The following BSPRY variants were observed in gnomAD, a reference collection of about 807,000 sequenced individuals.
BSPRY encodes B-box and SPRY domain containing.
A neutral mutation model predicts 38.0 loss-of-function variants in BSPRY; 33 were observed. The observed-to-expected ratio is 0.87, with a 90% CI of 0.66 to 1.16. The LOEUF is 1.16. Among genes scored for constraint, BSPRY ranks in the 50% most tolerant of loss-of-function variants. The probability of loss-of-function intolerance (pLI) is 0.00; values close to 1 mark genes in which losing one functional copy is unlikely to be tolerated. For synonymous variants in BSPRY, 224 were observed against 228.5 expected, an observed-to-expected ratio of 0.98 and a Z score of 0.18; for missense variants, 523 against 533.2, an observed-to-expected ratio of 0.98 and a Z score of 0.19.
Position 113,370,176 on chromosome 9 carries a change from C to A in BSPRY, c.*34C>A. On this transcript the variant is annotated 3_prime_UTR_variant, in exon 6 of 6. Transcript: ENST00000374183. This position sits in a 1 kb window ranked among gnomAD's most constrained non-coding sequence, Gnocchi z 4.8. ...CACAGGAAGCCAGGTCCACCGCCCA[C>A]CACCCTTTCAGGCCATGTTTCTACT... 1 of 1,521,744 alleles carries A rather than the reference C, an allele frequency of 6.6e-7. No homozygotes were observed. The highest frequency in any genetic ancestry group is 1.3e-5 in the South Asian group (1 of 76,180). The allele number at this position is 1,521,744 out of a possible 1,614,324, so 94.3% of individuals were successfully genotyped here.
intron 4 of BSPRY, among the ~76,000 whole-genome samples, chr9:113,367,646 C>T (rs894774540): frequency 2.0e-5 from 3 of 152,178 alleles, no homozygotes; most frequent in African/African-American, 7.2e-5. Context: ...CATTAACTTA[C>T]TGAGGGACTC....
intron 3 of BSPRY, 84 bp from the exon 4 acceptor site, chr9:113,362,285 C>T: frequency 1.3e-6 from 2 of 1,486,156 alleles, no homozygotes; most frequent in Middle Eastern, 1.7e-4. Context: ...ACATGGAGCC[C>T]TTTCTGGTAG....
chr9:113,368,458 C>T lies in BSPRY; in HGVS notation c.682+75C>T, dbSNP rs1834288170. On this transcript the variant is annotated intron_variant, in intron 5 of 5. Coordinates refer to ENST00000374183, the MANE Select transcript of BSPRY (RefSeq NM_017688.3). Reference sequence around the variant, plus strand: ...GTCTGTCTGGGGTTCACTCCTGGTTCACAATGGGGACCCGTGCTTCTGAGA... The same window carrying T: ...GTCTGTCTGGGGTTCACTCCTGGTTTACAATGGGGACCCGTGCTTCTGAGA... 2.6e-6 allele frequency: 4 copies of T among 1,549,082 alleles called. No individual in the cohort carries two copies. The South Asian group carries it at 4.8e-5, about 18-fold the overall frequency.
chr9:113,369,466 G>C (rs1834303627), intron 5 of BSPRY, 150 bp from the exon 6 acceptor site: 2 of 755,798 alleles, frequency 2.6e-6, no homozygotes, highest in South Asian at 3.6e-5. Flanking sequence ...GTCCTATTTT[G>C]ACCCCCGTTT....
rs191277756 is a variant in BSPRY at position 113,353,530 on chromosome 9, C to T, written c.202-710C>T. Among the ~76,000 whole-genome samples the T allele has an allele frequency of 3.2e-3, 478 of 149,728 alleles. 3 individuals are homozygous for T. The highest frequency in any genetic ancestry group is 0.012 in the African/African-American group (453 of 39,234). On this transcript the variant is annotated intron_variant, in intron 1 of 5. Coordinates refer to ENST00000374183, the MANE Select transcript of BSPRY (RefSeq NM_017688.3). ...CCAGCCTGGCCAACATGGTGAAACC[C>T]TGTCTCTACTAAAAATACAAAAATT...
In BSPRY at chr9:113,360,509, C is replaced by T; in HGVS notation, c.303C>T (p.Ser101=). The T allele has an allele frequency of 6.3e-7, 1 of 1,591,480 alleles. No individual in the cohort carries two copies. Among genetic ancestry groups the T allele is most frequent in the Non-Finnish European group, 8.5e-7 (1 of 1,170,982 alleles). ...CTCCTCATTTTATCCCTCATTAGAG[C>T]ATGGCCAGTGCAGCGAGGGAACTGG... ...VLPGKNQRAV[S]MASAARELVI... The change falls in exon 3 of 6, where the codon AGC becomes AGT. Residue 101 remains serine, a splice_region_variant and synonymous_variant. Transcript: ENST00000374183.
chr9:113,370,195 TTCTAC>T lies in BSPRY; in HGVS notation c.*56_*60del. On this transcript the variant is annotated 3_prime_UTR_variant, in exon 6 of 6. Transcript: ENST00000374183. This position sits in a 1 kb window ranked among gnomAD's most constrained non-coding sequence, Gnocchi z 4.8. ...CGCCCACCACCCTTTCAGGCCATGT[TTCTAC>T]TCAGTGTGCTTTTCCCAAATGATGT... 6.6e-7 allele frequency: 1 copy of T among 1,506,032 alleles called. No homozygotes were observed. Among genetic ancestry groups the T allele is most frequent in the Non-Finnish European group, 8.9e-7 (1 of 1,125,166 alleles). The allele number at this position is 1,506,032 out of a possible 1,614,324, so 93.3% of individuals were successfully genotyped here.
rs770228595 is a variant in BSPRY, at chr9:113,369,857, C to T, written c.924C>T (p.Pro308=). The T allele has an allele frequency of 4.3e-6, 7 of 1,614,108 alleles. No homozygotes were observed. The African/African-American group carries it at 6.7e-5, about 15-fold the overall frequency. Residue 308 remains proline, a synonymous_variant, in exon 6 of 6, where the codon CCC becomes CCT. Transcript: ENST00000374183. Reference sequence around the variant, plus strand: ...TGGGCGTGGCTTCAGGCCACCTGCCCCGCAAGGGTTCTGGCAGTGACTGCC... The same window carrying T: ...TGGGCGTGGCTTCAGGCCACCTGCCTCGCAAGGGTTCTGGCAGTGACTGCC... ...YKVGVASGHL[P]RKGSGSDCRL...
intron 3 of BSPRY, among the ~76,000 whole-genome samples, chr9:113,361,677 C>T (rs937795486): frequency 4.6e-5 from 7 of 152,166 alleles, no homozygotes; most frequent in Non-Finnish European, 8.8e-5. Flanking sequence ...GGAAAGAGTT[C>T]AGGAGCATGT....
At chr9:113,367,708 C>T (rs1427070085) in intron 4 of BSPRY, among the ~76,000 whole-genome samples, 1 of 152,194 alleles carries the variant, frequency 6.6e-6, no homozygotes, top group East Asian at 1.9e-4. Flanking sequence ...CTAATACTGG[C>T]ACCAAGAACA....
chr9:113,370,165 T>A lies in BSPRY; in HGVS notation c.*23T>A. On this transcript the variant is annotated 3_prime_UTR_variant, in exon 6 of 6. Coordinates refer to ENST00000374183, the MANE Select transcript of BSPRY (RefSeq NM_017688.3). The surrounding 1 kb of genome is among the most constrained non-coding windows in gnomAD (Gnocchi z 4.8). ...TGACCTCTGGCCACAGGAAGCCAGG[T>A]CCACCGCCCACCACCCTTTCAGGCC... 1 of 1,528,648 alleles carries A rather than the reference T, an allele frequency of 6.5e-7. No individual in the cohort carries two copies. The highest frequency in any genetic ancestry group is 2.3e-5 in the East Asian group (1 of 44,072). The allele number at this position is 1,528,648 out of a possible 1,614,324, so 94.7% of individuals were successfully genotyped here.
chr9:113,370,328 C>T lies in BSPRY; in HGVS notation c.*186C>T. 1.6e-6 allele frequency: 1 copy of T among 622,834 alleles called. No individual in the cohort carries two copies. Among genetic ancestry groups the T allele is most frequent in the Non-Finnish European group, 2.4e-6 (1 of 418,510 alleles). The allele number at this position is 622,834 out of a possible 1,614,324, so 38.6% of individuals were successfully genotyped here. ...GGCATAACCTGTAAATCACAGGTGT[C>T]CAAACTTTTGGCTTCCCTGGGCCAC... On this transcript the variant is annotated 3_prime_UTR_variant, in exon 6 of 6. Coordinates refer to ENST00000374183, the MANE Select transcript of BSPRY (RefSeq NM_017688.3). This position sits in a 1 kb window ranked among gnomAD's most constrained non-coding sequence, Gnocchi z 4.8.
Position 113,370,076 on chromosome 9 carries a change from G to GTC in BSPRY, c.1144_1145dup (p.Phe383ProfsTer66), listed in dbSNP as rs773863873. ...GCACAGTGCTCTGTGCCCATCATGT[G>GTC]TCCTTCCCGGGGCCCCTCTTCCCAG... On this transcript the variant is annotated frameshift_variant, in exon 6 of 6. Coordinates refer to ENST00000374183, the MANE Select transcript of BSPRY (RefSeq NM_017688.3). LOFTEE classifies it high-confidence loss of function. This position sits in a 1 kb window ranked among gnomAD's most constrained non-coding sequence, Gnocchi z 4.8. The GTC allele has an allele frequency of 8.1e-6, 13 of 1,611,748 alleles. No homozygotes were observed. In the East Asian group the frequency reaches 2.9e-4, roughly 36 times the overall value.
chr9:113,367,632 C>T (rs1033436199), intron 4 of BSPRY, among the ~76,000 whole-genome samples: 3 of 152,202 alleles, frequency 2.0e-5, no homozygotes, highest in Non-Finnish European at 4.4e-5. Flanking sequence ...AGCCCCAGCT[C>T]TGCCATTAAC....
rs58581228 is a variant in BSPRY at position 113,359,883 on chromosome 9, T to TA, written c.301-613dup. Reference sequence around the variant, plus strand: ...AACTCCATCTCTATTAAAAAAAATTTAAAAAAAAAAATTTCCCATTCAGTC... The same window carrying TA: ...AACTCCATCTCTATTAAAAAAAATTTAAAAAAAAAAAATTTCCCATTCAGTC... On this transcript the variant is annotated intron_variant, in intron 2 of 5. Transcript: ENST00000374183. 3.6e-5 allele frequency among the ~76,000 whole-genome samples: 4 copies of TA among 110,254 alleles called. No homozygotes were observed. In the Admixed American group the frequency reaches 4.3e-4, roughly 12 times the overall value. 72.3% of individuals were successfully genotyped at this position (110,254 alleles called of 152,430 possible).
At chr9:113,357,143 G>A (rs1050156066) in intron 2 of BSPRY, among the ~76,000 whole-genome samples, 1 of 152,180 alleles carries the variant, frequency 6.6e-6, no homozygotes, top group African/African-American at 2.4e-5. Flanking sequence ...ACCAGCGAAC[G>A]GGGACCAAGA....
chr9:113,352,101 G>A (rs565787072), intron 1 of BSPRY, among the ~76,000 whole-genome samples: 79 of 152,232 alleles, frequency 5.2e-4, no homozygotes, highest in African/African-American at 1.8e-3. Flanking sequence ...GTGAGCCACC[G>A]TGCCCGGCCA....
chr9:113,368,880 T>C (rs1834294573), intron 5 of BSPRY, among the ~76,000 whole-genome samples: 2 of 152,172 alleles, frequency 1.3e-5, no homozygotes, highest in South Asian at 4.1e-4. Flanking sequence ...GGAATTCCCA[T>C]TTAGCACAGA....
In BSPRY at chr9:113,369,691, C is replaced by A. The variant is rs1313431185; in HGVS notation, c.758C>A (p.Thr253Asn). 2 of 1,614,224 alleles carry A rather than the reference C, an allele frequency of 1.2e-6. No individual in the cohort carries two copies. The highest frequency in any genetic ancestry group is 1.7e-6 in the Non-Finnish European group (2 of 1,180,038). ...LQLSDDRKTL[T>N]FSTKKSKACA... is the part of the protein sequence containing the mutation. ...TTGTCAGATGATCGAAAGACCCTGA[C>A]CTTCAGCACCAAGAAGTCAAAGGCC... Residue 253 changes from threonine to asparagine, a missense_variant, in exon 6 of 6, where the codon ACC becomes AAC. Physicochemically the swap from Thr to Asn is moderately conservative, Grantham distance 65 (BLOSUM62 0). Transcript: ENST00000374183.
Sources: allele counts gnomAD v4.1 joint callset (sites outside exome capture counted in the v4.1 genomes callset), GRCh38; gene constraint gnomAD v4.1.1; non-coding constraint Gnocchi (gnomAD v3.1); transcripts MANE v1.5; gene names NCBI Gene and HGNC (gene_info 2026-07-23, HGNC 2026-07-21).